The following PTPRD variants were observed in gnomAD, a reference collection of about 807,000 sequenced individuals.
PTPRD encodes protein tyrosine phosphatase receptor type D, also known as receptor-type tyrosine-protein phosphatase delta.
Under a neutral mutation model 214.5 loss-of-function variants are expected in PTPRD, and 34 were observed. The ratio of observed to expected loss-of-function variants is 0.16; its 90% CI spans 0.12 to 0.21. PTPRD has a LOEUF of 0.21. PTPRD is among the 10% of genes least tolerant of loss of function. PTPRD has a pLI of 1.00. For missense variants in PTPRD, 2,545 were observed against 2,398.7 expected (o/e 1.06, Z -1.27); for synonymous variants, 1,128 against 845.7 (o/e 1.33, Z -5.79).
intron 11 of PTPRD, among the ~76,000 whole-genome samples, chr9:8,823,567 C>T (rs1037124566): frequency 7.9e-5 from 12 of 152,038 alleles, no homozygotes; most frequent in African/African-American, 2.2e-4. Context: ...GGGAAGATCA[C>T]CTGGGCCAGG....
chr9:8,365,807 G>A (rs1443532606), intron 39 of PTPRD, among the ~76,000 whole-genome samples: 1 of 152,114 alleles, frequency 6.6e-6, no homozygotes. Flanking sequence ...ACTGGACCAG[G>A]ATGAAAAGCC....
intron 8 of PTPRD, among the ~76,000 whole-genome samples, chr9:9,439,896 G>A (rs2086835039): frequency 6.6e-6 from 1 of 152,144 alleles, no homozygotes; most frequent in African/African-American, 2.4e-5. Flanking sequence ...TTTTTCCAGT[G>A]TCTTGCAGCT....
At chr9:9,209,954 C>T (rs917586685) in intron 9 of PTPRD, among the ~76,000 whole-genome samples, 1 of 152,060 alleles carries the variant, frequency 6.6e-6, no homozygotes, top group African/African-American at 2.4e-5. Context: ...AACTCAGATC[C>T]CATGGGGTGA....
chr9:8,792,872 A>C (rs2096281348), intron 11 of PTPRD, among the ~76,000 whole-genome samples: 1 of 152,128 alleles, frequency 6.6e-6, no homozygotes, highest in African/African-American at 2.4e-5. Flanking sequence ...GCTAAAAAGT[A>C]ATATGATTCC....
At chr9:10,478,724 A>G (rs772660428) in intron 2 of PTPRD, among the ~76,000 whole-genome samples, 6 of 151,452 alleles carry the variant, frequency 4.0e-5, no homozygotes, top group South Asian at 2.1e-4. Context: ...ATTCTGTAAT[A>G]TATATGTATA....
At chr9:10,376,800 T>C (rs930323194) in intron 2 of PTPRD, among the ~76,000 whole-genome samples, 2 of 151,946 alleles carry the variant, frequency 1.3e-5, no homozygotes, top group African/African-American at 2.4e-5. Flanking sequence ...TGTATACTTA[T>C]GAGGTACATG....
At chr9:10,348,042 A>G (rs942103198) in intron 2 of PTPRD, among the ~76,000 whole-genome samples, 1 of 152,136 alleles carries the variant, frequency 6.6e-6, no homozygotes, top group East Asian at 1.9e-4. Flanking sequence ...TGGGAAGCAG[A>G]GCAAGACTTC....
At chr9:10,134,625 C>G (rs1340637184) in intron 3 of PTPRD, among the ~76,000 whole-genome samples, 1 of 152,050 alleles carries the variant, frequency 6.6e-6, no homozygotes, top group African/African-American at 2.4e-5. Context: ...ACTTTGCCCT[C>G]TGAAAGCATC....
At chr9:9,016,155 C>A (rs938749360) in intron 11 of PTPRD, among the ~76,000 whole-genome samples, 1 of 152,144 alleles carries the variant, frequency 6.6e-6, no homozygotes, top group Non-Finnish European at 1.5e-5. Flanking sequence ...GCAGGTGTCA[C>A]CCTCCTTGGG....
At chr9:9,499,766 T>C (rs1342373073) in intron 8 of PTPRD, among the ~76,000 whole-genome samples, 3 of 152,096 alleles carry the variant, frequency 2.0e-5, no homozygotes, top group Non-Finnish European at 4.4e-5. Context: ...TGCCCTCTAG[T>C]GTACAGAACT....
intron 11 of PTPRD, among the ~76,000 whole-genome samples, chr9:8,935,319 A>G (rs919299370): frequency 2.0e-5 from 3 of 152,232 alleles, no homozygotes; most frequent in Non-Finnish European, 2.9e-5. Flanking sequence ...ATTATTTAAA[A>G]AAGAAATTAA....
chr9:9,042,980 G>C (rs2099646316), intron 10 of PTPRD, among the ~76,000 whole-genome samples: 1 of 152,182 alleles, frequency 6.6e-6, no homozygotes, highest in African/African-American at 2.4e-5. Context: ...TGGACTTGTA[G>C]TTTGAAGCTG....
At chr9:10,398,161 T>C (rs2098206455) in intron 2 of PTPRD, among the ~76,000 whole-genome samples, 1 of 151,504 alleles carries the variant, frequency 6.6e-6, no homozygotes, top group African/African-American at 2.4e-5. Flanking sequence ...AGAGGAGTGC[T>C]TGAGACCAGG....
chr9:9,779,491 T>G (rs2098826471), intron 5 of PTPRD, among the ~76,000 whole-genome samples: 1 of 151,870 alleles, frequency 6.6e-6, no homozygotes, highest in Non-Finnish European at 1.5e-5. Flanking sequence ...TATAAGAAAC[T>G]TAAACAAATG....
At chr9:8,420,741 G>A (rs1467711874) in intron 35 of PTPRD, among the ~76,000 whole-genome samples, 1 of 151,812 alleles carries the variant, frequency 6.6e-6, no homozygotes, top group Non-Finnish European at 1.5e-5. Flanking sequence ...TAGCTTTGGG[G>A]AAAGACAGCT....
At chr9:10,468,025 A>G (rs1028071523) in intron 2 of PTPRD, among the ~76,000 whole-genome samples, 1 of 152,330 alleles carries the variant, frequency 6.6e-6, no homozygotes, top group Admixed American at 6.5e-5. Context: ...GGATGTGGAG[A>G]AATAGGAAAA....
At chr9:8,763,327 T>C (rs796383746) in intron 11 of PTPRD, among the ~76,000 whole-genome samples, 2 of 151,668 alleles carry the variant, frequency 1.3e-5, no homozygotes, top group African/African-American at 4.8e-5. Flanking sequence ...GCCTAGCCAA[T>C]ATAACGAAAC....
chr9:10,390,864 C>A (rs1284667638), intron 2 of PTPRD, among the ~76,000 whole-genome samples: 1 of 151,870 alleles, frequency 6.6e-6, no homozygotes, highest in East Asian at 2.0e-4. Flanking sequence ...ATGCTATAGG[C>A]TTTTGGGCTT....
chr9:10,589,661 A>T (rs2132810719), intron 2 of PTPRD, among the ~76,000 whole-genome samples: 1 of 152,174 alleles, frequency 6.6e-6, no homozygotes, highest in Admixed American at 6.6e-5. Context: ...CCTTTGACCC[A>T]GCAAATTCCT....
Sources: allele counts gnomAD v4.1 joint callset (sites outside exome capture counted in the v4.1 genomes callset), GRCh38; gene constraint gnomAD v4.1.1; transcripts MANE v1.5; gene names NCBI Gene and HGNC (gene_info 2026-07-23, HGNC 2026-07-21).